The following EVI5 variants were observed in gnomAD, a reference collection of about 807,000 sequenced individuals.
The protein encoded by EVI5 is ecotropic viral integration site 5.
Under a neutral mutation model 112.0 loss-of-function variants are expected in EVI5, and 73 were observed. The ratio of observed to expected loss-of-function variants is 0.65; its 90% CI spans 0.54 to 0.79. The LOEUF (loss-of-function observed/expected upper bound fraction) is 0.79, where lower values mean the gene tolerates loss of function less well. EVI5 is among the 30% of genes least tolerant of loss of function. The pLI is 0.00. For synonymous variants in EVI5, 305 were observed against 319.9 expected (o/e 0.95, Z 0.50); for missense variants, 900 against 968.8 (o/e 0.93, Z 0.94).
intron 9 of EVI5, among the ~76,000 whole-genome samples, chr1:92,693,093 T>C (rs1669754923): frequency 6.6e-6 from 1 of 152,194 alleles, no homozygotes; most frequent in African/African-American, 2.4e-5. Context: ...GGCTCACACC[T>C]GTAATCCCAA....
chr1:92,599,528 A>C (rs992480521), intron 18 of EVI5, among the ~76,000 whole-genome samples: 4 of 152,080 alleles, frequency 2.6e-5, no homozygotes, highest in Non-Finnish European at 4.4e-5. Flanking sequence ...ATACCTCTAT[A>C]TATCTATATT....
intron 19 of EVI5, among the ~76,000 whole-genome samples, chr1:92,542,421 T>A (rs1367102094): frequency 6.6e-6 from 1 of 152,240 alleles, no homozygotes; most frequent in Non-Finnish European, 1.5e-5. Context: ...CTTCCTCCAC[T>A]GAAGTCTTCA....
At chr1:92,531,653 A>G (rs2101853252) in intron 19 of EVI5, among the ~76,000 whole-genome samples, 1 of 152,362 alleles carries the variant, frequency 6.6e-6, no homozygotes, top group South Asian at 2.1e-4. Context: ...TAAAGAAAAG[A>G]ATTTTCAACC....
chr1:92,708,986 A>G (rs1672438852), intron 2 of EVI5, among the ~76,000 whole-genome samples: 1 of 152,210 alleles, frequency 6.6e-6, no homozygotes, highest in African/African-American at 2.4e-5. Context: ...ATGTGTGTGC[A>G]GTTTCTTTTT....
At position 92,589,550 on chromosome 1, in the gene EVI5, C is replaced by G. The variant is rs569083724; in HGVS notation, c.2070+15757G>C. Among the ~76,000 whole-genome samples, 226 of 152,236 alleles carry G rather than the reference C, an allele frequency of 1.5e-3. 1 individual carries two copies. Among genetic ancestry groups the G allele is most frequent in the African/African-American group, 5.4e-3 (223 of 41,532 alleles). ...AGCAGTCTGAGATCAAACTGCAAGG[C>G]GGCAGCGAGGCTGGGGGAGGGGCGC... On this transcript the variant is annotated intron_variant, in intron 18 of 19. Coordinates refer to ENST00000684568, the MANE Select transcript of EVI5 (RefSeq NM_001350197.2).
chr1:92,705,606 CTG>C (rs1671836871), intron 2 of EVI5, among the ~76,000 whole-genome samples: 1 of 152,176 alleles, frequency 6.6e-6, no homozygotes, highest in African/African-American at 2.4e-5. Context: ...GCTTGCAACC[CTG>C]TGTTAGGCCT....
At chr1:92,726,132 G>C (rs1244895492) in intron 2 of EVI5, among the ~76,000 whole-genome samples, 3 of 151,966 alleles carry the variant, frequency 2.0e-5, no homozygotes, top group African/African-American at 7.2e-5. Flanking sequence ...GGCAAGAAAG[G>C]GACAAAAAAT....
At chr1:92,570,071 G>C (rs1376219452) in intron 18 of EVI5, among the ~76,000 whole-genome samples, 1 of 151,564 alleles carries the variant, frequency 6.6e-6, no homozygotes, top group Non-Finnish European at 1.5e-5. Context: ...AAGAGAGTGA[G>C]TGAAACAGGA....
chr1:92,641,578 GTAATAATGTGGGAAGATGGCACA>G (rs898354531), intron 13 of EVI5, among the ~76,000 whole-genome samples: 1 of 152,080 alleles, frequency 6.6e-6, no homozygotes, highest in African/African-American at 2.4e-5. Flanking sequence ...AACAAAATTT[GTAATAATGTGGGAAGATGGCACA>G]TTTGGACCGC....
At chr1:92,684,575 G>A (rs906937640) in intron 9 of EVI5, among the ~76,000 whole-genome samples, 25 of 151,994 alleles carry the variant, frequency 1.6e-4, no homozygotes, top group African/African-American at 5.8e-4. Context: ...ATGTAAATGG[G>A]CTAAATGCTC....
chr1:92,521,670 C>T (rs1290406485), intron 19 of EVI5, among the ~76,000 whole-genome samples: 4 of 147,308 alleles, frequency 2.7e-5, no homozygotes, highest in East Asian at 2.0e-4. Context: ...CTAGCCTGGG[C>T]GACAGAGTGA....
intron 13 of EVI5, among the ~76,000 whole-genome samples, chr1:92,660,329 G>A (rs1663759720): frequency 6.6e-6 from 1 of 151,924 alleles, no homozygotes; most frequent in Non-Finnish European, 1.5e-5. Flanking sequence ...GACACAGAAA[G>A]ACAAATACCA....
intron 14 of EVI5, among the ~76,000 whole-genome samples, chr1:92,628,803 A>T (rs1656259545): frequency 6.6e-6 from 1 of 152,228 alleles, no homozygotes; most frequent in African/African-American, 2.4e-5. Context: ...GCTCATAGGG[A>T]TGATGGAATG....
At chr1:92,561,160 T>C (rs1668466802) in intron 19 of EVI5, among the ~76,000 whole-genome samples, 1 of 152,142 alleles carries the variant, frequency 6.6e-6, no homozygotes, top group Non-Finnish European at 1.5e-5. Flanking sequence ...GAAAGAGATA[T>C]TTTTATGGTA....
intron 13 of EVI5, among the ~76,000 whole-genome samples, chr1:92,643,138 T>C (rs1281393354): frequency 6.6e-6 from 1 of 152,104 alleles, no homozygotes; most frequent in Non-Finnish European, 1.5e-5. Flanking sequence ...CACTGGAGGA[T>C]TTCTACATCT....
chr1:92,685,555 A>T (rs912833223), intron 9 of EVI5, among the ~76,000 whole-genome samples: 14 of 152,326 alleles, frequency 9.2e-5, no homozygotes, highest in Admixed American at 9.2e-4. Flanking sequence ...CTAAGATCAG[A>T]GCAGAACTGA....
chr1:92,695,529 A>T, intron 6 of EVI5, 76 bp from the exon 7 acceptor site: 2 of 930,260 alleles, frequency 2.1e-6, no homozygotes, highest in Non-Finnish European at 3.2e-6. Flanking sequence ...ATACTAGATT[A>T]GCCTATACCA....
intron 13 of EVI5, among the ~76,000 whole-genome samples, chr1:92,651,197 T>C (rs572536550): frequency 6.6e-6 from 1 of 152,232 alleles, no homozygotes; most frequent in Non-Finnish European, 1.5e-5. Flanking sequence ...CAAATAAATA[T>C]ATGAATAAGT....
chr1:92,631,872 TGA>T (rs1452789520), intron 14 of EVI5, among the ~76,000 whole-genome samples: 1 of 152,218 alleles, frequency 6.6e-6, no homozygotes, highest in Admixed American at 6.5e-5. Flanking sequence ...CCTAATTTAT[TGA>T]GAGTTTTTGG....
Sources: allele counts gnomAD v4.1 joint callset (sites outside exome capture counted in the v4.1 genomes callset), GRCh38; gene constraint gnomAD v4.1.1; transcripts MANE v1.5; gene names NCBI Gene and HGNC (gene_info 2026-07-23, HGNC 2026-07-21).